The following DAAM2 variants were observed in gnomAD, a reference collection of about 807,000 sequenced individuals.
DAAM2 encodes the protein dishevelled associated activator of morphogenesis 2, also known as disheveled-associated activator of morphogenesis 2.
In DAAM2, 39 loss-of-function variants were observed where a neutral mutation model predicts 120.7. That is an observed-to-expected ratio of 0.32 (90% CI 0.25 to 0.42). The LOEUF is 0.42. DAAM2 is among the 10% of genes least tolerant of loss of function. The probability of loss-of-function intolerance (pLI) is 1.00; values close to 1 mark genes in which losing one functional copy is unlikely to be tolerated. For missense variants in DAAM2, 1,283 were observed against 1,401.7 expected, an observed-to-expected ratio of 0.92 and a Z score of 1.35; for synonymous variants, 488 against 524.9, an observed-to-expected ratio of 0.93 and a Z score of 0.96.
chr6:39,823,921 G>C (rs1479881064), intron 1 of DAAM2, among the ~76,000 whole-genome samples: 1 of 152,114 alleles, frequency 6.6e-6, no homozygotes, highest in African/African-American at 2.4e-5. Context: ...GGGTCTTGCT[G>C]TCATCTCTGC....
In DAAM2 at chr6:39,879,607, T is replaced by C. The variant is rs771513581; in HGVS notation, c.1845+130T>C. 4.8e-6 allele frequency: 6 copies of C among 1,247,770 alleles called. No homozygotes were observed. The African/African-American group carries it at 5.9e-5, about 12-fold the overall frequency. 77.3% of individuals were successfully genotyped at this position (1,247,770 alleles called of 1,614,324 possible). On this transcript the variant is annotated intron_variant, in intron 14 of 24. Transcript: ENST00000274867. ...CTTTGGTGGGGGGTAAGGGCAGTCATGTGGATGTACAAAGTGGGTTTGCTG... is the reference window on the plus strand; with the variant it reads ...CTTTGGTGGGGGGTAAGGGCAGTCACGTGGATGTACAAAGTGGGTTTGCTG...
chr6:39,867,075 C>T (rs895730382), intron 5 of DAAM2, among the ~76,000 whole-genome samples: 9 of 152,140 alleles, frequency 5.9e-5, no homozygotes, highest in African/African-American at 2.2e-4. Flanking sequence ...CTGCTATTTT[C>T]TTTAGGATCC....
At chr6:39,840,184 A>G (rs148630562) in intron 1 of DAAM2, among the ~76,000 whole-genome samples, 4,972 of 152,202 alleles carry the variant, frequency 0.033, 250 homozygotes, top group African/African-American at 0.1. Flanking sequence ...CGAAGATCGC[A>G]CCACAGCACT....
At chr6:39,850,827 G>A (rs1172719332) in intron 1 of DAAM2, among the ~76,000 whole-genome samples, 1 of 152,180 alleles carries the variant, frequency 6.6e-6, no homozygotes, top group African/African-American at 2.4e-5. Flanking sequence ...TGTGTCTGAA[G>A]GTAGGAAAGG....
chr6:39,824,845 A>G (rs1020956290), intron 1 of DAAM2, among the ~76,000 whole-genome samples: 1 of 152,164 alleles, frequency 6.6e-6, no homozygotes, highest in African/African-American at 2.4e-5. Context: ...TGCATTTATC[A>G]TGGGTGAGGG....
chr6:39,833,988 A>G (rs891111201), intron 1 of DAAM2, among the ~76,000 whole-genome samples: 1 of 152,182 alleles, frequency 6.6e-6, no homozygotes, highest in Non-Finnish European at 1.5e-5. Flanking sequence ...ACTTTCCCAA[A>G]GTCTTGCAGC....
chr6:39,841,405 G>C (rs552978884), intron 1 of DAAM2, among the ~76,000 whole-genome samples: 1 of 151,440 alleles, frequency 6.6e-6, no homozygotes, highest in African/African-American at 2.4e-5. Context: ...AACTCCTTGG[G>C]GAAAGGTGGG....
chr6:39,875,180 G>C (rs1183161745), intron 10 of DAAM2, 150 bp from the exon 11 acceptor site: 1 of 763,386 alleles, frequency 1.3e-6, no homozygotes, highest in Non-Finnish European at 2.1e-6. Flanking sequence ...GCCATTATCA[G>C]CAATGGCATT....
intron 1 of DAAM2, among the ~76,000 whole-genome samples, chr6:39,837,505 A>G (rs1763146934): frequency 6.6e-6 from 1 of 151,962 alleles, no homozygotes; most frequent in Non-Finnish European, 1.5e-5. Context: ...TCTACTAAAA[A>G]TACAAAAATT....
intron 1 of DAAM2, among the ~76,000 whole-genome samples, chr6:39,853,196 A>G (rs1763877569): frequency 6.6e-6 from 1 of 152,122 alleles, no homozygotes. Flanking sequence ...TCGGATCTCT[A>G]CCATGAAGTG....
At chr6:39,896,780 T>C (rs111646762) in intron 19 of DAAM2, 32 bp from the exon 20 acceptor site, 1 of 1,530,280 alleles carries the variant, frequency 6.5e-7, no homozygotes, top group Non-Finnish European at 8.8e-7. Flanking sequence ...GCCTAGCCCA[T>C]GCAGGCCTCT....
intron 3 of DAAM2, chr6:39,862,394 A>T (rs1764247251): frequency 6.6e-6 from 1 of 152,198 alleles, no homozygotes; most frequent in African/African-American, 2.4e-5. Context: ...GGAAGGAAGG[A>T]AAGAAATTTC....
At chr6:39,795,515 C>T (rs1761673808) in intron 1 of DAAM2, among the ~76,000 whole-genome samples, 1 of 152,178 alleles carries the variant, frequency 6.6e-6, no homozygotes, top group Non-Finnish European at 1.5e-5. Flanking sequence ...GATAGTATTT[C>T]CCTCCCCAGG....
chr6:39,811,956 G>T (rs75542633), intron 1 of DAAM2, among the ~76,000 whole-genome samples: 420 of 152,294 alleles, frequency 2.8e-3, no homozygotes, highest in African/African-American at 9.6e-3. Context: ...TAGACCCTCT[G>T]TGATTTCATT....
intron 1 of DAAM2, among the ~76,000 whole-genome samples, chr6:39,824,764 G>A (rs1450323452): frequency 3.9e-5 from 6 of 152,156 alleles, no homozygotes; most frequent in African/African-American, 7.2e-5. Context: ...CGCGGAAGTC[G>A]CATGGTTGGG....
chr6:39,812,046 C>G (rs936742078), intron 1 of DAAM2, among the ~76,000 whole-genome samples: 1 of 152,136 alleles, frequency 6.6e-6, no homozygotes, highest in Non-Finnish European at 1.5e-5. Flanking sequence ...GGGCATAGGG[C>G]AGGGTGCATA....
intron 1 of DAAM2, chr6:39,848,890 C>T (rs962151626): frequency 1.3e-5 from 2 of 152,134 alleles, no homozygotes; most frequent in African/African-American, 4.8e-5. Context: ...CAAGTTTCTT[C>T]GTCTGTAAAA....
Position 39,867,689 on chromosome 6 carries a change from C to G in DAAM2, c.608C>G (p.Thr203Ser). ...HVLAQPEAIS[T>S]IAQSLRTENS... Reference sequence around the variant, plus strand: ...CTGGCACAGCCTGAGGCCATTAGTACCATAGCCCAGAGCCTACGCACAGAG... The same window carrying G: ...CTGGCACAGCCTGAGGCCATTAGTAGCATAGCCCAGAGCCTACGCACAGAG... The change falls in exon 6 of 25, where the codon ACC becomes AGC. Residue 203 changes from threonine (T) to serine (S), a missense_variant. Transcript: ENST00000274867. 6.2e-7 allele frequency: 1 copy of G among 1,614,040 alleles called. No homozygotes were observed. Among genetic ancestry groups the G allele is most frequent in the South Asian group, 1.1e-5 (1 of 91,084 alleles).
intron 1 of DAAM2, among the ~76,000 whole-genome samples, chr6:39,841,056 A>T: frequency 2.9e-5 from 1 of 35,000 alleles, no homozygotes; most frequent in East Asian, 5.9e-4. Context: ...GCAGGGTTCC[A>T]GGGGGAGGGG....
Sources: gnomAD v4.1 joint callset for allele counts (sites outside exome capture counted in the v4.1 genomes callset) on GRCh38, gnomAD v4.1.1 for gene constraint, MANE v1.5 for transcripts, NCBI Gene and HGNC (gene_info 2026-07-23, HGNC 2026-07-21) for gene names.